Variants in PTPN21 observed in about 807,000 individuals in gnomAD.
PTPN21 encodes tyrosine-protein phosphatase non-receptor type 21.
Under a neutral mutation model 131.8 loss-of-function variants are expected in PTPN21, and 77 were observed. The ratio of observed to expected loss-of-function variants is 0.58; its 90% confidence interval spans 0.49 to 0.71. The LOEUF is 0.71. Ranked by LOEUF, PTPN21 falls within the 30% of genes least tolerant of loss-of-function variation. PTPN21 has a pLI of 0.00. For synonymous variants in PTPN21, 715 were observed against 621.3 expected (o/e 1.15, Z -2.24); for missense variants, 1,552 against 1,527.1 (o/e 1.02, Z -0.27).
intron 2 of PTPN21, among the ~76,000 whole-genome samples, chr14:88,539,070 G>GA (rs1244918508): frequency 6.6e-6 from 1 of 151,218 alleles, no homozygotes; most frequent in Non-Finnish European, 1.5e-5. Flanking sequence ...CTATCTTTGG[G>GA]AACTTTTCCT....
chr14:88,540,513 C>T (rs2078691003), intron 2 of PTPN21, among the ~76,000 whole-genome samples: 1 of 152,202 alleles, frequency 6.6e-6, no homozygotes, highest in Admixed American at 6.5e-5. Context: ...AAAACTTTAC[C>T]TCTTTTCTTC....
At chr14:88,507,751 T>C (rs1311995040) in intron 4 of PTPN21, among the ~76,000 whole-genome samples, 172 bp downstream of exon 4, 1 of 151,988 alleles carries the variant, frequency 6.6e-6, no homozygotes, top group Non-Finnish European at 1.5e-5. Flanking sequence ...CATTGAGGTA[T>C]TCCAAGTTCA....
chr14:88,466,941 T>G lies in PTPN21; in HGVS notation c.*1196A>C, dbSNP rs556310046. 1 of 152,308 alleles carries G rather than the reference T, an allele frequency of 6.6e-6. No individual in the cohort carries two copies. Among genetic ancestry groups the G allele is most frequent in the South Asian group, 2.1e-4 (1 of 4,828 alleles). 9.4% of individuals were successfully genotyped at this position (152,308 alleles called of 1,614,324 possible). On this transcript the variant is annotated 3_prime_UTR_variant, in exon 19 of 19. Coordinates refer to ENST00000556564, the MANE Select transcript of PTPN21 (RefSeq NM_007039.4). ...GCTTCTTTTAATGATACTATAATGCTGAATTTATTTATGAAAAAGAAACAA... is the reference window on the plus strand; with the variant it reads ...GCTTCTTTTAATGATACTATAATGCGGAATTTATTTATGAAAAAGAAACAA...
chr14:88,511,468 C>T (rs1484614919), intron 3 of PTPN21, among the ~76,000 whole-genome samples: 4 of 151,938 alleles, frequency 2.6e-5, no homozygotes, highest in East Asian at 1.9e-4. Flanking sequence ...GTCAGAAGGT[C>T]GAGACCATCC....
At chr14:88,502,870 G>A (rs1382732837) in intron 6 of PTPN21, among the ~76,000 whole-genome samples, 1 of 151,840 alleles carries the variant, frequency 6.6e-6, no homozygotes, top group African/African-American at 2.4e-5. Context: ...GAAGGAGAGA[G>A]GTAAGAGGAA....
intron 8 of PTPN21, among the ~76,000 whole-genome samples, chr14:88,500,387 A>AC (rs2077990550): frequency 6.6e-6 from 1 of 152,214 alleles, no homozygotes; most frequent in South Asian, 2.1e-4. Context: ...TGGTGACTGT[A>AC]CCACTGCACT....
chr14:88,530,769 G>C (rs1161763895), intron 2 of PTPN21, among the ~76,000 whole-genome samples: 2 of 151,846 alleles, frequency 1.3e-5, no homozygotes, highest in Non-Finnish European at 2.9e-5. Flanking sequence ...CCTAACACTG[G>C]AGTTCCCAAA....
rs1165028030 is a variant in PTPN21 at position 88,472,442 on chromosome 14, T to C, written c.2673A>G (p.Leu891=). 1.2e-6 allele frequency: 2 copies of C among 1,613,054 alleles called. No homozygotes were observed. Among genetic ancestry groups the C allele is most frequent in the Non-Finnish European group, 1.7e-6 (2 of 1,179,086 alleles). ...ATTCTGTGAATACCATTCCTTGTTC[T>C]AATCGTTGTTCCAGAATTTTACACT... ...DERCKILEQR[L]EQGMVFTEYE... The change falls in exon 15 of 19, where the codon TTA becomes TTG. Residue 891 remains leucine, a synonymous_variant. Transcript: ENST00000556564.
chr14:88,473,699 T>G lies in PTPN21; in HGVS notation c.2615A>C (p.Lys872Thr), dbSNP rs778513636. Reference sequence around the variant, plus strand: ...ATTCGTTGCTCTGGTAGCCACTTCCTTTCCTTCATCAGGCAGAGGCACTCG... The same window carrying G: ...ATTCGTTGCTCTGGTAGCCACTTCCGTTCCTTCATCAGGCAGAGGCACTCG... ...LSRVPLPDEG[K>T]EVATRATNDE... The change falls in exon 14 of 19, where the codon AAG becomes ACG. Residue 872 changes from lysine (K) to threonine (T), a missense_variant. Coordinates refer to ENST00000556564, the MANE Select transcript of PTPN21 (RefSeq NM_007039.4). 3 of 1,613,420 alleles carry G rather than the reference T, an allele frequency of 1.9e-6. No individual in the cohort carries two copies. The highest frequency in any genetic ancestry group is 1.7e-4 in the Middle Eastern group (1 of 6,058).
intron 13 of PTPN21, 112 bp from the exon 14 acceptor site, chr14:88,473,914 C>T (rs2077508695): frequency 1.1e-6 from 1 of 892,414 alleles, no homozygotes; most frequent in Admixed American, 2.9e-5. Context: ...TCTCCTTTGC[C>T]AATAAACCCA....
intron 2 of PTPN21, among the ~76,000 whole-genome samples, chr14:88,543,184 T>C (rs1341555949): frequency 6.6e-6 from 1 of 152,226 alleles, no homozygotes; most frequent in Non-Finnish European, 1.5e-5. Context: ...TTGAGGGTTA[T>C]GGTTTGCGTT....
chr14:88,546,179 A>C (rs183417419), intron 2 of PTPN21, among the ~76,000 whole-genome samples: 1 of 151,080 alleles, frequency 6.6e-6, no homozygotes, highest in Non-Finnish European at 1.5e-5. Flanking sequence ...AACAAAAAAA[A>C]TACCCATATA....
intron 4 of PTPN21, among the ~76,000 whole-genome samples, chr14:88,507,272 T>C (rs1396852395): frequency 1.3e-5 from 2 of 152,164 alleles, no homozygotes; most frequent in East Asian, 3.9e-4. Context: ...ATACATAGCA[T>C]AGTATTAATA....
chr14:88,511,463 A>G (rs28666030), intron 3 of PTPN21, among the ~76,000 whole-genome samples: 52,644 of 151,842 alleles, frequency 0.35, 9,699 homozygotes, highest in African/African-American at 0.48. Flanking sequence ...ACGAGGTCAG[A>G]AGGTCGAGAC....
At chr14:88,554,498 C>T (rs2078900049) in intron 1 of PTPN21, among the ~76,000 whole-genome samples, 153 bp downstream of exon 1, 1 of 152,146 alleles carries the variant, frequency 6.6e-6, no homozygotes, top group Non-Finnish European at 1.5e-5. Context: ...AGACTTTTCT[C>T]TTTGTTACGC....
chr14:88,533,841 A>G (rs1463832584), intron 2 of PTPN21, among the ~76,000 whole-genome samples: 2 of 152,152 alleles, frequency 1.3e-5, no homozygotes, highest in African/African-American at 4.8e-5. Context: ...ACTGCACTAC[A>G]GCCTGGGTGA....
rs551304301 is a variant in PTPN21, at chr14:88,469,283, C to T, written c.3236-207G>A. On this transcript the variant is annotated intron_variant, in intron 17 of 18. Coordinates refer to ENST00000556564, the MANE Select transcript of PTPN21 (RefSeq NM_007039.4). This position sits in a 1 kb window ranked among gnomAD's most constrained non-coding sequence, Gnocchi z 4.3. ...CTTTCTGATCTACAAAATGAAATGA[C>T]GGAGATACTGAGTCAGCTGTGGCAT... Among the ~76,000 whole-genome samples the T allele has an allele frequency of 1.9e-3, 285 of 152,232 alleles. No individual in the cohort carries two copies. Among genetic ancestry groups the T allele is most frequent in the African/African-American group, 6.6e-3 (274 of 41,528 alleles).
At chr14:88,486,618 C>A (rs753527846) in intron 10 of PTPN21, among the ~76,000 whole-genome samples, 1 of 152,150 alleles carries the variant, frequency 6.6e-6, no homozygotes. Flanking sequence ...GTTCAGTGAG[C>A]CGATGGTAAA....
In PTPN21 at chr14:88,473,708, T is replaced by C. The variant is rs973980515; in HGVS notation, c.2606A>G (p.Asp869Gly). The C allele has an allele frequency of 5.6e-6, 9 of 1,613,140 alleles. No homozygotes were observed. Among genetic ancestry groups the C allele is most frequent in the Non-Finnish European group, 6.8e-6 (8 of 1,179,852 alleles). ...TCTGGTAGCCACTTCCTTTCCTTCATCAGGCAGAGGCACTCGAGATAGGGA... is the reference window on the plus strand; with the variant it reads ...TCTGGTAGCCACTTCCTTTCCTTCACCAGGCAGAGGCACTCGAGATAGGGA... Reference protein sequence around the residue: ...GLSLSRVPLPDEGKEVATRAT... With the variant: ...GLSLSRVPLPGEGKEVATRAT... The change falls in exon 14 of 19, where the codon GAT (aspartate) becomes GGT (glycine). Residue 869 changes from aspartate (D) to glycine (G), a missense_variant. Physicochemically the swap from Asp to Gly is moderately conservative, Grantham distance 94. Around this residue, in one of 4 missense-constraint regions of PTPN21, gnomAD observed 316 missense variants for 378.5 expected, o/e 0.83. Coordinates refer to ENST00000556564, the MANE Select transcript of PTPN21 (RefSeq NM_007039.4).
Sources: allele counts gnomAD v4.1 joint callset (sites outside exome capture counted in the v4.1 genomes callset), GRCh38; gene constraint gnomAD v4.1.1; regional missense constraint gnomAD v4.1.1; non-coding constraint Gnocchi (gnomAD v3.1); transcripts MANE v1.5; gene names NCBI Gene and HGNC (gene_info 2026-07-23, HGNC 2026-07-21).